Variants in EPHA6 observed in about 807,000 individuals in gnomAD.
EPHA6 encodes ephrin type-A receptor 6.
In EPHA6, 50 loss-of-function variants were observed where a neutral mutation model predicts 112.0. The observed-to-expected ratio is 0.45, with a 90% CI of 0.36 to 0.56. The LOEUF is 0.56. Among genes scored for constraint, EPHA6 ranks in the 20% least tolerant of loss-of-function variants. EPHA6 has a pLI of 0.00. For synonymous variants in EPHA6, 529 were observed against 490.7 expected (o/e 1.08, Z -1.03); for missense variants, 1,280 against 1,417.4 (o/e 0.90, Z 1.56).
intron 6 of EPHA6, among the ~76,000 whole-genome samples, chr3:97,433,241 G>A (rs1031880562): frequency 3.3e-5 from 5 of 152,096 alleles, no homozygotes; most frequent in Admixed American, 2.0e-4. Flanking sequence ...TAAGAGTTTC[G>A]TTCTTCCTAA....
intron 5 of EPHA6, among the ~76,000 whole-genome samples, chr3:97,259,122 C>A (rs1297560658): frequency 6.6e-6 from 1 of 152,068 alleles, no homozygotes; most frequent in East Asian, 1.9e-4. Context: ...TGTTTCCTCT[C>A]ATATTAAAGT....
In EPHA6 at chr3:97,422,429, A is replaced by G. The variant is rs188836880; in HGVS notation, c.1731+17155A>G. On this transcript the variant is annotated intron_variant, in intron 6 of 17. Transcript: ENST00000389672. ...AAGTATCAAAATATATACACCCCCA[A>G]CACTGGAGTACCCAGATTCATAAAA... is the stretch of plus-strand genomic sequence containing the variant. Among the ~76,000 whole-genome samples the G allele has an allele frequency of 1.1e-3, 161 of 152,306 alleles. 1 individual carries two copies. The highest frequency in any genetic ancestry group is 3.4e-3 in the African/African-American group (141 of 41,586).
chr3:96,986,936 G>T (rs1248367792), intron 2 of EPHA6, among the ~76,000 whole-genome samples: 1 of 152,160 alleles, frequency 6.6e-6, no homozygotes, highest in Non-Finnish European at 1.5e-5. Flanking sequence ...ATATTTAGTT[G>T]TTCTGATAAG....
At chr3:97,656,072 C>T (rs755504596) in intron 14 of EPHA6, among the ~76,000 whole-genome samples, 11 of 151,432 alleles carry the variant, frequency 7.3e-5, no homozygotes, top group African/African-American at 1.9e-4. Flanking sequence ...GAGTATTGTA[C>T]TTTTATGGTA....
chr3:96,823,576 TTAG>T (rs1352997981), intron 1 of EPHA6, among the ~76,000 whole-genome samples: 3 of 151,810 alleles, frequency 2.0e-5, no homozygotes, highest in African/African-American at 7.2e-5. Context: ...GTGAAAATAA[TTAG>T]TAGTTGCCAT....
intron 3 of EPHA6, among the ~76,000 whole-genome samples, chr3:96,998,242 A>T (rs893918568): frequency 1.3e-5 from 2 of 151,944 alleles, no homozygotes; most frequent in Non-Finnish European, 1.5e-5. Context: ...TCACCCACTG[A>T]AATGGCTCCT....
intron 2 of EPHA6, among the ~76,000 whole-genome samples, chr3:96,894,487 G>A (rs562665493): frequency 5.3e-5 from 8 of 151,978 alleles, no homozygotes; most frequent in Non-Finnish European, 1.0e-4. Flanking sequence ...GAGGATCTTT[G>A]TCCATGCTAT....
At chr3:97,268,934 G>A (rs1206629808) in intron 5 of EPHA6, among the ~76,000 whole-genome samples, 1 of 152,026 alleles carries the variant, frequency 6.6e-6, no homozygotes. Context: ...ATTATAATTA[G>A]GAAAATAAAA....
chr3:97,102,842 C>G (rs535095456), intron 3 of EPHA6, among the ~76,000 whole-genome samples: 4 of 152,016 alleles, frequency 2.6e-5, no homozygotes. Context: ...GAGTTGGTAT[C>G]TCATTGTGGT....
intron 15 of EPHA6, among the ~76,000 whole-genome samples, chr3:97,729,482 A>G (rs1053501895): frequency 1.3e-5 from 2 of 152,048 alleles, no homozygotes; most frequent in African/African-American, 4.8e-5. Flanking sequence ...TTGTAAAACC[A>G]TCAGATCTCA....
intron 10 of EPHA6, among the ~76,000 whole-genome samples, chr3:97,507,311 A>G (rs2092273310): frequency 6.6e-6 from 1 of 152,142 alleles, no homozygotes. Context: ...TGTCATAAAT[A>G]GCTCTTATTA....
At chr3:96,983,204 CTA>C (rs1401202035) in intron 2 of EPHA6, among the ~76,000 whole-genome samples, 6 of 152,122 alleles carry the variant, frequency 3.9e-5, no homozygotes, top group Non-Finnish European at 7.3e-5. Flanking sequence ...TTGTTCCTTT[CTA>C]TGTTTAGTGC....
intron 2 of EPHA6, among the ~76,000 whole-genome samples, chr3:96,892,377 C>T (rs964631697): frequency 1.3e-5 from 2 of 152,038 alleles, no homozygotes; most frequent in Admixed American, 1.3e-4. Context: ...TCTACCACCA[C>T]TCCTGGTTAA....
At chr3:97,082,522 A>G (rs1024495080) in intron 3 of EPHA6, among the ~76,000 whole-genome samples, 3 of 151,828 alleles carry the variant, frequency 2.0e-5, no homozygotes, top group African/African-American at 4.8e-5. Flanking sequence ...GCTTTTATTC[A>G]TCCATATTAT....
In EPHA6 at chr3:97,748,774, T is replaced by G; in HGVS notation, c.*73T>G. The G allele has an allele frequency of 1.3e-6, 1 of 793,556 alleles. No individual in the cohort carries two copies. The allele number at this position is 793,556 out of a possible 1,614,324, so 49.2% of individuals were successfully genotyped here. On this transcript the variant is annotated 3_prime_UTR_variant, in exon 18 of 18. Coordinates refer to ENST00000389672, the MANE Select transcript of EPHA6 (RefSeq NM_001080448.3). ...ACGATATCCTCTCTACTACTCTCTC[T>G]TCTGATTCTCCAAACATCACTTCAC... is the stretch of plus-strand genomic sequence containing the variant.
At chr3:97,521,471 C>A (rs1470245827) in intron 10 of EPHA6, among the ~76,000 whole-genome samples, 1 of 152,088 alleles carries the variant, frequency 6.6e-6, no homozygotes, top group Non-Finnish European at 1.5e-5. Flanking sequence ...GTAAATATGT[C>A]CTTCTTCTCA....
intron 9 of EPHA6, among the ~76,000 whole-genome samples, chr3:97,479,871 T>A (rs2091478146): frequency 6.6e-6 from 1 of 152,310 alleles, no homozygotes; most frequent in South Asian, 2.1e-4. Context: ...AGAGATCTAT[T>A]CCCAAGCAAC....
In EPHA6 at chr3:97,686,680, C is replaced by T. The variant is rs574634156; in HGVS notation, c.2785-33581C>T. On this transcript the variant is annotated intron_variant, in intron 14 of 17. Transcript: ENST00000389672. ...TATGTTTACAGCTGACATGCACTATCTTTCCTGGCTTTTGTGCCCACATTT... is the reference window on the plus strand; with the variant it reads ...TATGTTTACAGCTGACATGCACTATTTTTCCTGGCTTTTGTGCCCACATTT... Among the ~76,000 whole-genome samples the T allele has an allele frequency of 3.3e-5, 5 of 152,336 alleles. No individual in the cohort carries two copies. In the South Asian group the frequency reaches 1.0e-3, roughly 32 times the overall value.
At chr3:97,131,259 G>A (rs2075607294) in intron 3 of EPHA6, among the ~76,000 whole-genome samples, 1 of 152,036 alleles carries the variant, frequency 6.6e-6, no homozygotes, top group Admixed American at 6.6e-5. Context: ...ATAAATGGTA[G>A]TAATATATGC....
Sources: gnomAD v4.1 joint callset for allele counts (sites outside exome capture counted in the v4.1 genomes callset) on GRCh38, gnomAD v4.1.1 for gene constraint, MANE v1.5 for transcripts, NCBI Gene and HGNC (gene_info 2026-07-23, HGNC 2026-07-21) for gene names.